Variants in TBC1D5 observed in about 807,000 individuals in gnomAD.
TBC1D5 encodes TBC1 domain family, member 5.
A neutral mutation model predicts 100.3 loss-of-function variants in TBC1D5; 75 were observed. That is an observed-to-expected ratio of 0.75 (90% CI 0.62 to 0.91). The LOEUF is 0.91. Among genes scored for constraint, TBC1D5 ranks in the 40% least tolerant of loss-of-function variants. TBC1D5 has a pLI of 0.00. For missense variants in TBC1D5, 910 were observed against 942.4 expected, an observed-to-expected ratio of 0.97 and a Z score of 0.45; for synonymous variants, 323 against 325.6, an observed-to-expected ratio of 0.99 and a Z score of 0.09.
intron 1 of TBC1D5, among the ~76,000 whole-genome samples, chr3:17,652,438 G>T (rs138916978): frequency 2.0e-5 from 3 of 152,170 alleles, no homozygotes; most frequent in Admixed American, 2.0e-4. Context: ...TGTTGTTCAG[G>T]TATTTATTAT....
intron 16 of TBC1D5, 80 bp from the exon 17 acceptor site, chr3:17,238,499 C>T (rs1161830351): frequency 4.8e-6 from 7 of 1,458,820 alleles, no homozygotes; most frequent in Non-Finnish European, 5.5e-6. Flanking sequence ...TATAAAAGCA[C>T]ACCTTGTCTG....
chr3:17,597,580 T>C (rs1266789986), intron 2 of TBC1D5, among the ~76,000 whole-genome samples: 2 of 152,234 alleles, frequency 1.3e-5, no homozygotes, highest in African/African-American at 2.4e-5. Context: ...TTCAACTTTA[T>C]AAACTTTTAT....
chr3:17,390,693 C>T (rs567296889), intron 8 of TBC1D5, among the ~76,000 whole-genome samples: 237 of 152,154 alleles, frequency 1.6e-3, no homozygotes, highest in Non-Finnish European at 2.7e-3. Flanking sequence ...CTGATGAAAA[C>T]TCCCTAGAAT....
At chr3:17,459,106 A>G (rs2095150391) in intron 3 of TBC1D5, among the ~76,000 whole-genome samples, 1 of 152,236 alleles carries the variant, frequency 6.6e-6, no homozygotes, top group Non-Finnish European at 1.5e-5. Flanking sequence ...AAGTGTAAAA[A>G]GCACCTTGTG....
chr3:17,293,990 G>C (rs1354058200), intron 14 of TBC1D5, among the ~76,000 whole-genome samples: 2 of 152,168 alleles, frequency 1.3e-5, no homozygotes, highest in Non-Finnish European at 2.9e-5. Flanking sequence ...TTCCCTAGAG[G>C]GGCAAGATTG....
At chr3:17,403,192 A>G in exon 8 of TBC1D5, 1 of 1,587,996 alleles carries the variant, frequency 6.3e-7, no homozygotes, top group Non-Finnish European at 8.6e-7. Flanking sequence ...TTCTTTTGAC[A>G]TCTTGTTCAA....
At chr3:17,637,044 CGGAG>C (rs1560342479) in intron 1 of TBC1D5, among the ~76,000 whole-genome samples, 1 of 148,044 alleles carries the variant, frequency 6.8e-6, no homozygotes, top group African/African-American at 2.5e-5. Context: ...TTTTTTGAGA[CGGAG>C]TGTCACTCTG....
At chr3:17,362,125 A>G (rs898093824) in intron 13 of TBC1D5, among the ~76,000 whole-genome samples, 1 of 152,160 alleles carries the variant, frequency 6.6e-6, no homozygotes, top group Non-Finnish European at 1.5e-5. Flanking sequence ...AATACCTTTT[A>G]CCTTACATAA....
chr3:17,659,364 T>G (rs528183843), intron 1 of TBC1D5, among the ~76,000 whole-genome samples: 5 of 151,920 alleles, frequency 3.3e-5, no homozygotes, highest in African/African-American at 1.2e-4. Flanking sequence ...CTAACCAGAA[T>G]AAGAAGAGCT....
At chr3:17,183,506 G>A (rs766073020) in intron 19 of TBC1D5, among the ~76,000 whole-genome samples, 4 of 152,148 alleles carry the variant, frequency 2.6e-5, no homozygotes, top group African/African-American at 4.8e-5. Flanking sequence ...TGTAAGAGGT[G>A]GATCAAATGT....
chr3:17,577,303 A>C (rs928668198), intron 2 of TBC1D5, among the ~76,000 whole-genome samples: 3 of 151,998 alleles, frequency 2.0e-5, no homozygotes, highest in African/African-American at 7.2e-5. Flanking sequence ...AACTACTATC[A>C]ATTTACATCT....
At chr3:17,584,855 G>A (rs1353904538) in intron 2 of TBC1D5, among the ~76,000 whole-genome samples, 2 of 151,994 alleles carry the variant, frequency 1.3e-5, no homozygotes, top group Admixed American at 1.3e-4. Context: ...ACAGGGTTTC[G>A]CCATGTTGGC....
At chr3:17,579,988 A>G (rs2096683264) in intron 2 of TBC1D5, among the ~76,000 whole-genome samples, 1 of 152,176 alleles carries the variant, frequency 6.6e-6, no homozygotes, top group Non-Finnish European at 1.5e-5. Flanking sequence ...CAGGAGAAAT[A>G]TGAATCATAA....
chr3:17,720,404 C>T (rs928293745), intron 1 of TBC1D5, among the ~76,000 whole-genome samples: 1 of 152,190 alleles, frequency 6.6e-6, no homozygotes. Context: ...TCAGCTAATA[C>T]ATTCTACTTA....
chr3:17,236,259 T>A (rs916685111), intron 17 of TBC1D5, among the ~76,000 whole-genome samples: 3 of 152,202 alleles, frequency 2.0e-5, no homozygotes. Context: ...TCAGTTAGAA[T>A]TACAACTGAC....
At chr3:17,218,228 T>A (rs1021220175) in intron 17 of TBC1D5, among the ~76,000 whole-genome samples, 1 of 152,064 alleles carries the variant, frequency 6.6e-6, no homozygotes. Context: ...TTGATTAAAA[T>A]AACTATATAA....
rs80079704 is a variant in TBC1D5, at chr3:17,304,578, T to C, written c.1138+3414A>G. 1.6e-3 allele frequency among the ~76,000 whole-genome samples: 246 copies of C among 152,206 alleles called. 1 individual carries two copies. Among genetic ancestry groups the C allele is most frequent in the African/African-American group, 5.8e-3 (239 of 41,530 alleles). On this transcript the variant is annotated intron_variant, in intron 14 of 21. Transcript: ENST00000253692. The stretch of plus-strand genomic sequence containing the variant: ...ACAAGCCACTATACCCGGCCAAATT[T>C]TATTTTTTGTAGAGATGGGGTTTCA...
chr3:17,584,346 A>T (rs987582682), intron 2 of TBC1D5, among the ~76,000 whole-genome samples: 9 of 152,166 alleles, frequency 5.9e-5, no homozygotes, highest in Non-Finnish European at 1.0e-4. Flanking sequence ...GTGTTACATA[A>T]ATTTCACCTC....
At chr3:17,349,595 C>T (rs1410232993) in intron 13 of TBC1D5, among the ~76,000 whole-genome samples, 1 of 152,026 alleles carries the variant, frequency 6.6e-6, no homozygotes, top group Non-Finnish European at 1.5e-5. Context: ...TGATGTATAG[C>T]AATGCTTAAA....
Sources: gnomAD v4.1 joint callset for allele counts (sites outside exome capture counted in the v4.1 genomes callset) on GRCh38, gnomAD v4.1.1 for gene constraint, MANE v1.5 for transcripts, NCBI Gene and HGNC (gene_info 2026-07-23, HGNC 2026-07-21) for gene names.